Variants in PKP4 observed in about 807,000 individuals in gnomAD.
The protein encoded by PKP4 is plakophilin-4.
In PKP4, 90 loss-of-function variants were observed where a neutral mutation model predicts 145.1. The observed-to-expected ratio is 0.62, with a 90% CI of 0.52 to 0.74. The LOEUF is 0.74. Among genes scored for constraint, PKP4 ranks in the 30% least tolerant of loss-of-function variants. The pLI, the probability that PKP4 is intolerant of heterozygous loss-of-function variation, is 0.00. For missense variants in PKP4, 1,340 were observed against 1,482.7 expected, an observed-to-expected ratio of 0.90 and a Z score of 1.58; for synonymous variants, 563 against 577.2, an observed-to-expected ratio of 0.98 and a Z score of 0.35.
chr2:158,523,954 C>G (rs2042695049), intron 1 of PKP4, among the ~76,000 whole-genome samples: 1 of 93,306 alleles, frequency 1.1e-5, no homozygotes, highest in Admixed American at 1.2e-4. Flanking sequence ...AAGAAATGAG[C>G]AAAGCCTCCA....
chr2:158,593,022 T>C (rs2049408501), intron 3 of PKP4, among the ~76,000 whole-genome samples: 2 of 152,182 alleles, frequency 1.3e-5, no homozygotes, highest in South Asian at 4.1e-4. Context: ...TATTTACAAG[T>C]ATAACATATA....
At chr2:158,502,633 A>G (rs1559233331) in intron 1 of PKP4, among the ~76,000 whole-genome samples, 1 of 152,170 alleles carries the variant, frequency 6.6e-6, no homozygotes, top group Non-Finnish European at 1.5e-5. Context: ...ACTTCTTTCC[A>G]GTCCTGTAGC....
intron 1 of PKP4, among the ~76,000 whole-genome samples, chr2:158,476,432 G>C (rs1692488417): frequency 6.6e-6 from 1 of 152,126 alleles, no homozygotes; most frequent in Non-Finnish European, 1.5e-5. Flanking sequence ...CTGGGTTCAA[G>C]TGATCATCTC....
Position 158,642,677 on chromosome 2 carries a change from A to G in PKP4, c.1887A>G (p.Ala629=). The change falls in exon 11 of 22, where the codon GCA becomes GCG. Residue 629 remains alanine, a synonymous_variant. Coordinates refer to ENST00000389759, the MANE Select transcript of PKP4 (RefSeq NM_003628.6). ...GACTGTTGAGAAAATCTATTGATGC[A>G]GAAGTAAGGGAGCTTGTTACAGGTA... ...LLRLLRKSID[A]EVRELVTGVL... 1 of 1,608,118 alleles carries G rather than the reference A, an allele frequency of 6.2e-7. No homozygotes were observed. The highest frequency in any genetic ancestry group is 8.5e-7 in the Non-Finnish European group (1 of 1,176,114).
intron 2 of PKP4, among the ~76,000 whole-genome samples, chr2:158,554,426 A>AT (rs769989250): frequency 2.6e-4 from 12 of 45,666 alleles, no homozygotes; most frequent in South Asian, 8.8e-4. Context: ...AATTATTATT[A>AT]TTATTTTTTT....
chr2:158,467,475 C>G (rs1344222118), intron 1 of PKP4, among the ~76,000 whole-genome samples: 1 of 147,222 alleles, frequency 6.8e-6, no homozygotes, highest in Non-Finnish European at 1.5e-5. Flanking sequence ...TGACTTGAGC[C>G]TGGGAGGGCA....
chr2:158,533,161 T>G lies in PKP4; in HGVS notation c.-5-19T>G, dbSNP rs2043725076. ...GGAGCCCAGAAGAAAGTGTTAACCC[T>G]TTGCCTGCTTGATTGCAGGAGGAAT... On this transcript the variant is annotated intron_variant, in intron 1 of 21. Coordinates refer to ENST00000389759, the MANE Select transcript of PKP4 (RefSeq NM_003628.6). 3.7e-6 allele frequency: 6 copies of G among 1,600,738 alleles called. No individual in the cohort carries two copies. Among genetic ancestry groups the G allele is most frequent in the Non-Finnish European group, 5.1e-6 (6 of 1,174,080 alleles).
At chr2:158,645,256 C>A (rs532829604) in intron 11 of PKP4, among the ~76,000 whole-genome samples, 1 of 152,172 alleles carries the variant, frequency 6.6e-6, no homozygotes, top group African/African-American at 2.4e-5. Context: ...CACCAAAAAA[C>A]AAATTATAAT....
chr2:158,574,913 A>G (rs533787813), intron 2 of PKP4, among the ~76,000 whole-genome samples: 1 of 152,358 alleles, frequency 6.6e-6, no homozygotes, highest in East Asian at 1.9e-4. Context: ...TCATGCATGT[A>G]TAGGCTTTCC....
chr2:158,648,130 C>T (rs936438010), intron 11 of PKP4, among the ~76,000 whole-genome samples: 14 of 152,118 alleles, frequency 9.2e-5, no homozygotes, highest in African/African-American at 2.9e-4. Flanking sequence ...CTTTGTTCTT[C>T]GGTAATAATA....
intron 3 of PKP4, chr2:158,588,178 A>G (rs2048964556): frequency 6.6e-6 from 1 of 152,190 alleles, no homozygotes; most frequent in Non-Finnish European, 1.5e-5. Context: ...TATAATGAGA[A>G]GTAGACTATT....
chr2:158,549,211 CTAAACTGGGTTAAA>C (rs1207782011), intron 2 of PKP4: 1 of 178,732 alleles, frequency 5.6e-6, no homozygotes, highest in Non-Finnish European at 1.2e-5. Flanking sequence ...GGACTTGCCA[CTAAACTGGGTTAAA>C]TGTACACGGT....
chr2:158,577,026 A>G (rs934091708), intron 2 of PKP4, among the ~76,000 whole-genome samples: 4 of 152,112 alleles, frequency 2.6e-5, no homozygotes, highest in African/African-American at 4.8e-5. Context: ...AAATCAGAAA[A>G]GGCAAATAAA....
At chr2:158,564,187 A>G (rs1026808825) in intron 2 of PKP4, among the ~76,000 whole-genome samples, 20 of 152,124 alleles carry the variant, frequency 1.3e-4, no homozygotes, top group African/African-American at 4.1e-4. Flanking sequence ...GAGGTGACCA[A>G]TCATACTGAT....
At chr2:158,584,547 C>A (rs1559356931) in intron 3 of PKP4, among the ~76,000 whole-genome samples, 1 of 152,314 alleles carries the variant, frequency 6.6e-6, no homozygotes, top group East Asian at 1.9e-4. Context: ...ATAGGCCAGG[C>A]ACAGTGGCTC....
At position 158,553,653 on chromosome 2, in the gene PKP4, C is replaced by G. The variant is rs549664307; in HGVS notation, c.132+20337C>G. On this transcript the variant is annotated intron_variant, in intron 2 of 21. Transcript: ENST00000389759. Reference sequence around the variant, plus strand: ...CATAGTCTCAGACTTTAAACCTTGTCCCGCTGGGTTTTGAAATTATTTGGG... The same window carrying G: ...CATAGTCTCAGACTTTAAACCTTGTGCCGCTGGGTTTTGAAATTATTTGGG... Among the ~76,000 whole-genome samples the G allele has an allele frequency of 4.6e-5, 7 of 152,266 alleles. No homozygotes were observed. The East Asian group carries it at 1.4e-3, about 29-fold the overall frequency.
At chr2:158,616,106 T>C (rs2051584520) in intron 4 of PKP4, among the ~76,000 whole-genome samples, 1 of 152,224 alleles carries the variant, frequency 6.6e-6, no homozygotes, top group South Asian at 2.1e-4. Context: ...ATTCTTAAAA[T>C]ATCTGTCAAC....
intron 2 of PKP4, among the ~76,000 whole-genome samples, chr2:158,550,126 A>C (rs2045466979): frequency 6.6e-6 from 1 of 152,222 alleles, no homozygotes; most frequent in Non-Finnish European, 1.5e-5. Flanking sequence ...ATAAAACATT[A>C]CTTTTCTGCC....
chr2:158,571,694 A>G (rs2047420603), intron 2 of PKP4, among the ~76,000 whole-genome samples: 1 of 152,218 alleles, frequency 6.6e-6, no homozygotes. Context: ...TGAGACTTCC[A>G]CAGGGCACAG....
Sources: allele counts gnomAD v4.1 joint callset (sites outside exome capture counted in the v4.1 genomes callset), GRCh38; gene constraint gnomAD v4.1.1; transcripts MANE v1.5; gene names NCBI Gene and HGNC (gene_info 2026-07-23, HGNC 2026-07-21).